Variants in ZNF200 observed in about 807,000 individuals in gnomAD.
The protein encoded by ZNF200 is zinc finger protein 200.
ZNF200 carries 35 observed loss-of-function variants against 33.6 expected under a neutral mutation model. The observed-to-expected ratio is 1.04, with a 90% CI of 0.80 to 1.38. The LOEUF (loss-of-function observed/expected upper bound fraction) is 1.38, where lower values mean the gene tolerates loss of function less well. Among genes scored for constraint, ZNF200 ranks in the 40% most tolerant of loss-of-function variants. ZNF200 has a pLI of 0.00. For missense variants in ZNF200, 592 were observed against 470.6 expected (o/e 1.26, Z -2.39); for synonymous variants, 209 against 167.7 (o/e 1.25, Z -1.90).
Position 3,223,641 on chromosome 16 carries a change from C to T in ZNF200, c.*251G>A. On this transcript the variant is annotated 3_prime_UTR_variant, in exon 5 of 5. Coordinates refer to ENST00000414144, the MANE Select transcript of ZNF200 (RefSeq NM_198088.3). ...AGGGGATCTGTGACCTGTACATTAT[C>T]ATATAACTTCAAAAAGGAAAGCTCC... The T allele has an allele frequency of 4.5e-6, 2 of 447,946 alleles. No homozygotes were observed. Among genetic ancestry groups the T allele is most frequent in the Non-Finnish European group, 7.8e-6 (2 of 257,334 alleles). 27.7% of individuals were successfully genotyped at this position (447,946 alleles called of 1,614,324 possible). A position where few individuals can be genotyped will look rare whatever the true frequency, so the allele number is the denominator to read the frequency against.
At chr16:3,232,187 G>A (rs1227721300) in intron 4 of ZNF200, among the ~76,000 whole-genome samples, 3 of 152,102 alleles carry the variant, frequency 2.0e-5, no homozygotes, top group African/African-American at 4.8e-5. Context: ...TATGTCTGCA[G>A]GTTTTCCCTA....
At chr16:3,234,226 C>G (rs2141651296) in intron 1 of ZNF200, 1 of 152,136 alleles carries the variant, frequency 6.6e-6, no homozygotes, top group East Asian at 1.9e-4. Context: ...GGCAACACAG[C>G]AAGACACCGA....
At chr16:3,230,689 G>C (rs1446411148) in intron 4 of ZNF200, among the ~76,000 whole-genome samples, 1 of 152,122 alleles carries the variant, frequency 6.6e-6, no homozygotes, top group East Asian at 1.9e-4. Flanking sequence ...TGCAAAAATT[G>C]GTTAAATGTT....
chr16:3,232,737 CAAG>C, intron 3 of ZNF200, 93 bp downstream of exon 3: 1 of 1,453,452 alleles, frequency 6.9e-7, no homozygotes, highest in South Asian at 1.2e-5. Context: ...GAAAAACACC[CAAG>C]AAGGCCAACT....
chr16:3,232,436 C>T lies in ZNF200; in HGVS notation c.451G>A (p.Glu151Lys), dbSNP rs754774630. ...GATTTCTTACCCAGTAACATCATTT[C>T]CCCGACACTGCTGTCATCTTCCTTC... is the stretch of plus-strand genomic sequence containing the variant. ...SEKEDDSSVG[E>K]MMLLAVNGSN... Residue 151 changes from glutamate to lysine, a missense_variant, in exon 4 of 5, where the codon GAA (glutamate) becomes AAA (lysine). Coordinates refer to ENST00000414144, the MANE Select transcript of ZNF200 (RefSeq NM_198088.3). 7.4e-6 allele frequency: 12 copies of T among 1,613,756 alleles called. No homozygotes were observed. The highest frequency in any genetic ancestry group is 2.2e-5 in the East Asian group (1 of 44,896).
intron 4 of ZNF200, chr16:3,226,587 G>C (rs1489408896): frequency 6.6e-6 from 1 of 152,102 alleles, no homozygotes; most frequent in African/African-American, 2.4e-5. Context: ...CTGGGTTAAG[G>C]CTTTTATAAA....
At chr16:3,225,693 G>C (rs1401729868) in intron 4 of ZNF200, 5 of 151,818 alleles carry the variant, frequency 3.3e-5, no homozygotes, top group African/African-American at 4.8e-5. Flanking sequence ...TTATACTTCA[G>C]AAAAAAGTCA....
chr16:3,232,214 C>A (rs985727638), intron 4 of ZNF200, among the ~76,000 whole-genome samples: 6 of 152,118 alleles, frequency 3.9e-5, no homozygotes, highest in Non-Finnish European at 7.3e-5. Flanking sequence ...CCCTCACTGC[C>A]CCCAAGATAC....
chr16:3,230,521 G>C (rs1030948304), intron 4 of ZNF200, among the ~76,000 whole-genome samples: 2 of 152,124 alleles, frequency 1.3e-5, no homozygotes, highest in Admixed American at 1.3e-4. Flanking sequence ...GCTATAATAA[G>C]AATTATCTTA....
chr16:3,223,776 G>A lies in ZNF200; in HGVS notation c.*116C>T. 7.0e-7 allele frequency: 1 copy of A among 1,423,762 alleles called. No individual in the cohort carries two copies. The highest frequency in any genetic ancestry group is 9.3e-7 in the Non-Finnish European group (1 of 1,075,152). 88.2% of individuals were successfully genotyped at this position (1,423,762 alleles called of 1,614,324 possible). Reference sequence around the variant, plus strand: ...TAAGATGGGCATTTATCCAATTTTGGCAATAATGAGATTTTTACACATTTA... The same window carrying A: ...TAAGATGGGCATTTATCCAATTTTGACAATAATGAGATTTTTACACATTTA... On this transcript the variant is annotated 3_prime_UTR_variant, in exon 5 of 5. Coordinates refer to ENST00000414144, the MANE Select transcript of ZNF200 (RefSeq NM_198088.3).
At chr16:3,228,343 A>G (rs1346298896) in intron 4 of ZNF200, among the ~76,000 whole-genome samples, 1 of 152,120 alleles carries the variant, frequency 6.6e-6, no homozygotes, top group Admixed American at 6.5e-5. Flanking sequence ...TGTTCTACCT[A>G]TAAGGAAGTA....
At position 3,232,838 on chromosome 16, in the gene ZNF200, G is replaced by C. The variant is rs576889295; in HGVS notation, c.334C>G (p.Pro112Ala). 1.4e-5 allele frequency: 23 copies of C among 1,613,660 alleles called. No individual in the cohort carries two copies. Among genetic ancestry groups the C allele is most frequent in the Non-Finnish European group, 1.7e-5 (20 of 1,179,794 alleles). The part of the protein sequence containing the change: ...ETVSLYLKAN[P>A]EELVVFEDLN... ...AATGGGAAAACCAAACCCACCTCAG[G>C]GTTAGCTTTCAAATACAGAGACACT... The change falls in exon 3 of 5, where the codon CCT becomes GCT. Residue 112 changes from proline (P) to alanine (A), a missense_variant. Coordinates refer to ENST00000414144, the MANE Select transcript of ZNF200 (RefSeq NM_198088.3).
In ZNF200 at chr16:3,224,198, G is replaced by A. The variant is rs758362417; in HGVS notation, c.882C>T (p.Asn294=). The A allele has an allele frequency of 1.9e-6, 3 of 1,614,202 alleles. No homozygotes were observed. The highest frequency in any genetic ancestry group is 1.7e-6 in the Non-Finnish European group (2 of 1,180,042). ...HCGKSFNHKT[N]LNKHERIHTG... is the part of the protein sequence containing the mutation. Reference sequence around the variant, plus strand: ...TATGAATTCGCTCATGTTTATTGAGGTTTGTTTTATGATTGAAGCTTTTCC... The same window carrying A: ...TATGAATTCGCTCATGTTTATTGAGATTTGTTTTATGATTGAAGCTTTTCC... The change falls in exon 5 of 5, where the codon AAC becomes AAT. Residue 294 remains asparagine, a synonymous_variant. Transcript: ENST00000414144.
rs1057070657 is a variant in ZNF200 at position 3,223,864 on chromosome 16, C to A, written c.*28G>T. ...TGAAAGCTCTCAGGTTGAGGCAGCA[C>A]CATCAGACCCAGAAAGGGTTCCCAG... is the stretch of plus-strand genomic sequence containing the variant. On this transcript the variant is annotated 3_prime_UTR_variant, in exon 5 of 5. Transcript: ENST00000414144. The A allele has an allele frequency of 1.9e-6, 3 of 1,576,952 alleles. No individual in the cohort carries two copies. Among genetic ancestry groups the A allele is most frequent in the African/African-American group, 2.7e-5 (2 of 73,662 alleles).
intron 4 of ZNF200, chr16:3,227,449 T>C (rs1958500957): frequency 6.6e-6 from 1 of 152,268 alleles, no homozygotes; most frequent in Admixed American, 6.5e-5. Context: ...ATTTATCAAG[T>C]GGCTGTCAGT....
At chr16:3,226,030 A>T (rs908136791) in intron 4 of ZNF200, 19 of 145,682 alleles carry the variant, frequency 1.3e-4, no homozygotes, top group African/African-American at 4.8e-4. Context: ...CCCCACACCC[A>T]GCCTTAATTA....
chr16:3,230,952 G>C (rs1361916324), intron 4 of ZNF200, among the ~76,000 whole-genome samples: 1 of 152,156 alleles, frequency 6.6e-6, no homozygotes, highest in Non-Finnish European at 1.5e-5. Flanking sequence ...TGAATGACTT[G>C]TCTTACAAAC....
intron 1 of ZNF200, 78 bp downstream of exon 1, chr16:3,234,909 T>C (rs1958763539): frequency 6.6e-6 from 1 of 152,338 alleles, no homozygotes; most frequent in Admixed American, 6.5e-5. Context: ...CTACCCGGCC[T>C]TGCTCCCTCA....
At chr16:3,224,717 T>C (rs1958423736) in intron 4 of ZNF200, 104 bp from the exon 5 acceptor site, 5 of 1,439,862 alleles carry the variant, frequency 3.5e-6, no homozygotes, top group Non-Finnish European at 4.6e-6. Context: ...AACGTCAATC[T>C]GGGGAGTGGC....
Sources: allele counts gnomAD v4.1 joint callset (sites outside exome capture counted in the v4.1 genomes callset), GRCh38; gene constraint gnomAD v4.1.1; transcripts MANE v1.5; gene names NCBI Gene and HGNC (gene_info 2026-07-23, HGNC 2026-07-21).